CADM1: variants seen among roughly 807,000 people sequenced by gnomAD.
The protein encoded by CADM1 is TSLC-1.
A neutral mutation model predicts 53.1 loss-of-function variants in CADM1; 15 were observed. That is an observed-to-expected ratio of 0.28 (90% CI 0.19 to 0.44). The LOEUF is 0.44. CADM1 is among the 20% of genes least tolerant of loss of function. The pLI is 1.00. For synonymous variants in CADM1, 281 were observed against 243.0 expected (o/e 1.16, Z -1.45); for missense variants, 434 against 611.3 (o/e 0.71, Z 3.06).
intron 1 of CADM1, among the ~76,000 whole-genome samples, chr11:115,244,947 C>A (rs371313581): frequency 6.6e-6 from 1 of 152,216 alleles, no homozygotes; most frequent in African/African-American, 2.4e-5. Context: ...CTTTTGCCAG[C>A]ACCACAAGCT....
At chr11:115,502,631 GA>G (rs988230376) in intron 1 of CADM1, among the ~76,000 whole-genome samples, 6 of 152,012 alleles carry the variant, frequency 3.9e-5, no homozygotes, top group East Asian at 1.9e-4. Context: ...TGGCATGGAG[GA>G]AAAAAACCCT....
At chr11:115,179,470 C>T (rs1370443695) in intron 10 of CADM1, among the ~76,000 whole-genome samples, 1 of 152,224 alleles carries the variant, frequency 6.6e-6, no homozygotes, top group Non-Finnish European at 1.5e-5. Flanking sequence ...ATAAGCATCA[C>T]CCCCTCAGGA....
rs1944587521 is a variant in CADM1, at chr11:115,313,679, T to A, written c.125-73259A>T. 2.6e-5 allele frequency among the ~76,000 whole-genome samples: 4 copies of A among 152,310 alleles called. No individual in the cohort carries two copies. The South Asian group carries it at 8.3e-4, about 32-fold the overall frequency. On this transcript the variant is annotated intron_variant, in intron 1 of 11. Coordinates refer to ENST00000331581, the MANE Select transcript of CADM1 (RefSeq NM_001301043.2). ...CTCCTCTGCATTTCCTGGTCTTCCC[T>A]GAAGCGGGGTCAGCCAGGCGACTAA... is the stretch of plus-strand genomic sequence containing the variant.
intron 1 of CADM1, among the ~76,000 whole-genome samples, chr11:115,330,479 G>A (rs1421264868): frequency 6.6e-6 from 1 of 152,056 alleles, no homozygotes; most frequent in Admixed American, 6.5e-5. Context: ...CTTGGGCTTG[G>A]TTTGACCTTG....
intron 1 of CADM1, among the ~76,000 whole-genome samples, chr11:115,469,289 T>C (rs1948959000): frequency 6.6e-6 from 1 of 152,230 alleles, no homozygotes; most frequent in South Asian, 2.1e-4. Context: ...ACCTAGCACC[T>C]TCTATGTCCC....
At chr11:115,212,576 T>G (rs1941011438) in intron 7 of CADM1, among the ~76,000 whole-genome samples, 1 of 152,206 alleles carries the variant, frequency 6.6e-6, no homozygotes, top group Non-Finnish European at 1.5e-5. Flanking sequence ...TTCTTGGTTT[T>G]CAGATAATGC....
intron 1 of CADM1, among the ~76,000 whole-genome samples, chr11:115,243,219 T>C (rs1180918833): frequency 6.6e-6 from 1 of 152,246 alleles, no homozygotes; most frequent in Non-Finnish European, 1.5e-5. Flanking sequence ...TAATGCGCTC[T>C]GCAAACCCAT....
chr11:115,462,284 C>T (rs1948812808), intron 1 of CADM1, among the ~76,000 whole-genome samples: 2 of 152,118 alleles, frequency 1.3e-5, no homozygotes, highest in African/African-American at 4.8e-5. Context: ...CTGCTTCCGC[C>T]GGACAAATGA....
intron 1 of CADM1, among the ~76,000 whole-genome samples, chr11:115,378,208 G>A (rs771567410): frequency 6.6e-6 from 1 of 152,072 alleles, no homozygotes; most frequent in African/African-American, 2.4e-5. Flanking sequence ...TAATGACCAC[G>A]CAGGGAGAGT....
At chr11:115,389,471 T>G (rs1359352463) in intron 1 of CADM1, among the ~76,000 whole-genome samples, 1 of 152,200 alleles carries the variant, frequency 6.6e-6, no homozygotes, top group African/African-American at 2.4e-5. Context: ...AGCAAGCAAC[T>G]TGAAAATACC....
chr11:115,228,331 G>A (rs1400282598), intron 5 of CADM1, among the ~76,000 whole-genome samples: 2 of 152,136 alleles, frequency 1.3e-5, no homozygotes, highest in Non-Finnish European at 2.9e-5. Context: ...TTAATCCAAT[G>A]ATTCACAAAG....
At position 115,459,038 on chromosome 11, in the gene CADM1, A is replaced by G. The variant is rs531326058; in HGVS notation, c.124+45233T>C. ...GAGCCAAAGAGCAACATGTGCATGG[A>G]TTCATGATGCATAAGGGTTTTTAAA... On this transcript the variant is annotated intron_variant, in intron 1 of 11. Transcript: ENST00000331581. 1.8e-3 allele frequency among the ~76,000 whole-genome samples: 272 copies of G among 152,324 alleles called. 1 individual carries two copies. Among genetic ancestry groups the G allele is most frequent in the Admixed American group, 3.7e-3 (56 of 15,290 alleles).
At chr11:115,406,832 C>A (rs1200476229) in intron 1 of CADM1, among the ~76,000 whole-genome samples, 3 of 151,204 alleles carry the variant, frequency 2.0e-5, no homozygotes, top group African/African-American at 7.3e-5. Context: ...GCCTGTAATC[C>A]CAGCTACTTC....
chr11:115,399,894 A>G (rs543013898), intron 1 of CADM1, among the ~76,000 whole-genome samples: 1 of 152,336 alleles, frequency 6.6e-6, no homozygotes, highest in South Asian at 2.1e-4. Flanking sequence ...TGAACATGAC[A>G]TGAGAGCAGG....
At chr11:115,466,716 T>A (rs1285426843) in intron 1 of CADM1, among the ~76,000 whole-genome samples, 2 of 152,210 alleles carry the variant, frequency 1.3e-5, no homozygotes, top group Admixed American at 1.3e-4. Context: ...CTCGAGTTTT[T>A]GTGCTGCAAT....
chr11:115,271,606 C>A (rs1943301120), intron 1 of CADM1, among the ~76,000 whole-genome samples: 2 of 152,182 alleles, frequency 1.3e-5, no homozygotes, highest in African/African-American at 4.8e-5. Context: ...GTACAGTCAA[C>A]TAATACTCTA....
At chr11:115,472,282 T>A (rs1949031971) in intron 1 of CADM1, among the ~76,000 whole-genome samples, 1 of 152,206 alleles carries the variant, frequency 6.6e-6, no homozygotes, top group African/African-American at 2.4e-5. Context: ...GGAAATTAAG[T>A]TTAACAGTGG....
chr11:115,303,363 T>C (rs12290736), intron 1 of CADM1, among the ~76,000 whole-genome samples: 24,713 of 151,892 alleles, frequency 0.16, 2,518 homozygotes, highest in African/African-American at 0.27. Context: ...CTGCCACAGA[T>C]CATATAATGT....
At chr11:115,213,600 G>C (rs758057456) in intron 7 of CADM1, among the ~76,000 whole-genome samples, 1 of 152,096 alleles carries the variant, frequency 6.6e-6, no homozygotes, top group Non-Finnish European at 1.5e-5. Context: ...TTCTTCATAA[G>C]CAAAGTACCC....
Sources: allele counts gnomAD v4.1 joint callset (sites outside exome capture counted in the v4.1 genomes callset), GRCh38; gene constraint gnomAD v4.1.1; transcripts MANE v1.5; gene names NCBI Gene and HGNC (gene_info 2026-07-23, HGNC 2026-07-21).